RNF43: variants seen among roughly 807,000 people sequenced by gnomAD.
RNF43 encodes the protein ring finger protein 43.
In RNF43, 37 loss-of-function variants were observed where a neutral mutation model predicts 78.4. The observed-to-expected ratio is 0.47, with a 90% CI of 0.36 to 0.62. The LOEUF is 0.62. RNF43 is among the 20% of genes least tolerant of loss of function. RNF43 has a pLI of 0.00. For missense variants in RNF43, 774 were observed against 1,007.9 expected (o/e 0.77, Z 3.14); for synonymous variants, 347 against 395.0 (o/e 0.88, Z 1.44).
chr17:58,367,208 C>G (rs1234479142), intron 3 of RNF43, among the ~76,000 whole-genome samples: 1 of 151,974 alleles, frequency 6.6e-6, no homozygotes, highest in Non-Finnish European at 1.5e-5. Context: ...ACCATGTTGG[C>G]CAGGCTGGTC....
rs1485711099 is a variant in RNF43 at position 58,358,480 on chromosome 17, T to C, written c.1296A>G (p.Pro432=). ...QSTSQHPAAC[P]VPLRRARPPD... is the part of the protein sequence containing the mutation. The stretch of plus-strand genomic sequence containing the variant: ...GGGGCCTGGCCCGGCGTAGGGGCAC[T>C]GGGCAAGCAGCAGGGTGCTGTGAGG... Residue 432 remains proline, a synonymous_variant, in exon 9 of 10, where the codon CCA becomes CCG. Transcript: ENST00000407977. This position sits in a 1 kb window ranked among gnomAD's most constrained non-coding sequence, Gnocchi z 6.2. The C allele has an allele frequency of 1.2e-6, 2 of 1,614,016 alleles. No individual in the cohort carries two copies. The highest frequency in any genetic ancestry group is 1.7e-5 in the Admixed American group (1 of 60,018).
chr17:58,377,685 C>T (rs1254560125), intron 2 of RNF43, among the ~76,000 whole-genome samples: 1 of 139,994 alleles, frequency 7.1e-6, no homozygotes, highest in African/African-American at 2.6e-5. Context: ...CCCACCCACC[C>T]CCTCCTGCCC....
chr17:58,363,850 C>A (rs1257136969), intron 3 of RNF43, among the ~76,000 whole-genome samples: 2 of 152,160 alleles, frequency 1.3e-5, no homozygotes, highest in Non-Finnish European at 2.9e-5. Context: ...GGAACAAACC[C>A]TTAAGGGGGG....
intron 2 of RNF43, among the ~76,000 whole-genome samples, chr17:58,382,711 C>T (rs1443494857): frequency 6.6e-6 from 1 of 152,176 alleles, no homozygotes; most frequent in African/African-American, 2.4e-5. Context: ...CCCAAAGGAA[C>T]GAGTCCCGGT....
intron 2 of RNF43, among the ~76,000 whole-genome samples, chr17:58,395,820 C>T (rs1005146930): frequency 1.3e-5 from 2 of 152,140 alleles, no homozygotes; most frequent in Non-Finnish European, 2.9e-5. Flanking sequence ...AGCTGCCTCA[C>T]TATTAAGGAT....
chr17:58,401,455 G>A (rs1973797868), intron 2 of RNF43, among the ~76,000 whole-genome samples: 1 of 152,204 alleles, frequency 6.6e-6, no homozygotes, highest in South Asian at 2.1e-4. Flanking sequence ...CGAGGCAGGT[G>A]CAGTCATAAA....
At position 58,360,918 on chromosome 17, in the gene RNF43, C is replaced by T. The variant is rs1224543746; in HGVS notation, c.714G>A (p.Trp238Ter). The stretch of plus-strand genomic sequence containing the variant: ...TCCTGGTGGCCAGCTGGCTGATGGC[C>T]CAGGCTGTTCTCTGCTGAAGCGGAT... ...RPDPLQQRTAWAISQLATRRY... is the reference protein window; with the variant it reads ...RPDPLQQRTA Residue 238 changes from tryptophan to a stop codon, truncating the protein, a stop_gained, in exon 7 of 10, where the codon TGG becomes TGA. Coordinates refer to ENST00000407977, the MANE Select transcript of RNF43 (RefSeq NM_017763.6). LOFTEE classifies it high-confidence loss of function. The surrounding 1 kb of genome is among the most constrained non-coding windows in gnomAD (Gnocchi z 4.3). 6.3e-7 allele frequency: 1 copy of T among 1,598,666 alleles called. No individual in the cohort carries two copies. The highest frequency in any genetic ancestry group is 2.3e-5 in the East Asian group (1 of 44,202).
intron 2 of RNF43, among the ~76,000 whole-genome samples, chr17:58,383,078 T>C (rs148562912): frequency 1.1e-4 from 16 of 152,324 alleles, no homozygotes; most frequent in African/African-American, 3.1e-4. Context: ...TGCAGTGAAC[T>C]TCAGTCCCTA....
intron 2 of RNF43, among the ~76,000 whole-genome samples, chr17:58,411,379 G>T (rs893214141): frequency 5.9e-5 from 9 of 152,046 alleles, no homozygotes; most frequent in African/African-American, 1.2e-4. Flanking sequence ...TGTCTCTCTA[G>T]CTTTGGCCAA....
At chr17:58,391,401 C>T (rs996158978) in intron 2 of RNF43, among the ~76,000 whole-genome samples, 13 of 152,102 alleles carry the variant, frequency 8.5e-5, no homozygotes, top group Admixed American at 2.0e-4. Flanking sequence ...AGGAAATTAA[C>T]GATTTAGTTA....
chr17:58,366,690 A>T (rs1467453328), intron 3 of RNF43, among the ~76,000 whole-genome samples: 1 of 152,158 alleles, frequency 6.6e-6, no homozygotes, highest in East Asian at 1.9e-4. Flanking sequence ...TTTTTTCTGT[A>T]AACTGGGATA....
chr17:58,409,569 C>T (rs1973980667), intron 2 of RNF43, among the ~76,000 whole-genome samples: 1 of 152,184 alleles, frequency 6.6e-6, no homozygotes. Flanking sequence ...TAGACGGTCT[C>T]ACTATGTTGC....
rs182164980 is a variant in RNF43 at position 58,393,948 on chromosome 17, C to T, written c.252+21378G>A. ...GCGGGCACCTGTAGTCCCAGCTACT[C>T]GGGAGACTGAGGCAGGAGAATGGCG... On this transcript the variant is annotated intron_variant, in intron 2 of 9. Coordinates refer to ENST00000407977, the MANE Select transcript of RNF43 (RefSeq NM_017763.6). Among the ~76,000 whole-genome samples the T allele has an allele frequency of 3.7e-3, 570 of 152,146 alleles. 3 individuals carry two copies. Among genetic ancestry groups the T allele is most frequent in the Non-Finnish European group, 5.3e-3 (358 of 67,990 alleles).
chr17:58,407,667 A>T (rs1295597573), intron 2 of RNF43, among the ~76,000 whole-genome samples: 2 of 152,244 alleles, frequency 1.3e-5, no homozygotes, highest in African/African-American at 4.8e-5. Context: ...GGCTTTAAAA[A>T]ATATATAAAG....
Position 58,358,432 on chromosome 17 carries a change from T to G in RNF43, c.1344A>C (p.Glu448Asp). 1.9e-6 allele frequency: 3 copies of G among 1,614,046 alleles called. No individual in the cohort carries two copies. The highest frequency in any genetic ancestry group is 2.5e-6 in the Non-Finnish European group (3 of 1,179,992). The change falls in exon 9 of 10, where the codon GAA becomes GAC. Residue 448 changes from glutamate to aspartate, a missense_variant. Glu to Asp is a conservative substitution (Grantham distance 45). Transcript: ENST00000407977. The surrounding 1 kb of genome is among the most constrained non-coding windows in gnomAD (Gnocchi z 6.2). ...ACCCACTGCGTTCTGTGCAATAGCT[T>G]TCTCCAGATCCACTGCTGTCAGGGG... ...ARPPDSSGSG[E>D]SYCTERSGYL...
Position 58,354,917 on chromosome 17 carries a change from C to T in RNF43, c.*26G>A. Reference sequence around the variant, plus strand: ...GGCCCAAACACATCTGGAGCACACTCTTGGTTGGAGCTAGGCCTGAACATC... The same window carrying T: ...GGCCCAAACACATCTGGAGCACACTTTTGGTTGGAGCTAGGCCTGAACATC... On this transcript the variant is annotated 3_prime_UTR_variant, in exon 10 of 10. Transcript: ENST00000407977. 1 of 1,612,264 alleles carries T rather than the reference C, an allele frequency of 6.2e-7. No individual in the cohort carries two copies. Among genetic ancestry groups the T allele is most frequent in the Non-Finnish European group, 8.5e-7 (1 of 1,178,282 alleles).
chr17:58,361,050 C>T, intron 6 of RNF43, 106 bp from the exon 7 acceptor site: 5 of 1,180,074 alleles, frequency 4.2e-6, no homozygotes, highest in Non-Finnish European at 5.8e-6. Flanking sequence ...ATCACATGGC[C>T]AGTTGAACAT....
chr17:58,415,581 A>G lies in RNF43; in HGVS notation c.-4T>C, dbSNP rs1056355674. 19 of 1,605,696 alleles carry G rather than the reference A, an allele frequency of 1.2e-5. No individual in the cohort carries two copies. Among genetic ancestry groups the G allele is most frequent in the Non-Finnish European group, 1.6e-5 (19 of 1,179,946 alleles). ...GCAGCTGGTGGCCACCACTCATGCT[A>G]CCAGCTGCAGCAATGCACTTCAACC... On this transcript the variant is annotated 5_prime_UTR_variant, in exon 2 of 10. It removes the in-frame stop codon of an upstream open reading frame in the 5' UTR. Transcript: ENST00000407977.
chr17:58,368,723 A>G (rs1198862397), intron 3 of RNF43, among the ~76,000 whole-genome samples: 1 of 152,062 alleles, frequency 6.6e-6, no homozygotes, highest in Admixed American at 6.6e-5. Flanking sequence ...AAAAAAAAAA[A>G]AAAAGAAAAA....
Sources: gnomAD v4.1 joint callset for allele counts (sites outside exome capture counted in the v4.1 genomes callset) on GRCh38, gnomAD v4.1.1 for gene constraint, Gnocchi (gnomAD v3.1) non-coding constraint, MANE v1.5 for transcripts, NCBI Gene and HGNC (gene_info 2026-07-23, HGNC 2026-07-21) for gene names.